Variants in CTBP2 observed in about 807,000 individuals in gnomAD.
The protein encoded by CTBP2 is C-terminal binding protein 2.
Under a neutral mutation model 80.3 loss-of-function variants are expected in CTBP2, and 30 were observed. The observed-to-expected ratio is 0.37, with a 90% CI of 0.28 to 0.51. The LOEUF (loss-of-function observed/expected upper bound fraction) is 0.51. Ranked by LOEUF, CTBP2 falls within the 20% of genes least tolerant of loss-of-function variation. CTBP2 has a pLI of 0.93. For synonymous variants in CTBP2, 594 were observed against 587.4 expected, an observed-to-expected ratio of 1.01 and a Z score of -0.16; for missense variants, 1,212 against 1,375.3, an observed-to-expected ratio of 0.88 and a Z score of 1.88.
Position 124,994,422 on chromosome 10 carries a change from C to T in CTBP2, c.2400+47G>A, listed in dbSNP as rs1432507080. 7 of 1,586,682 alleles carry T rather than the reference C, an allele frequency of 4.4e-6. No individual in the cohort carries two copies. In the South Asian group the frequency reaches 7.8e-5, roughly 18 times the overall value. ...TCCCTCTTGTGCCCACAAGCAAGTG[C>T]TACCACCTTTCGACAGAAGCTTCCA... On this transcript the variant is annotated intron_variant, in intron 5 of 8. Transcript: ENST00000309035.
chr10:125,049,208 G>T (rs1962109890), intron 2 of CTBP2, among the ~76,000 whole-genome samples: 1 of 152,176 alleles, frequency 6.6e-6, no homozygotes. Flanking sequence ...GAGAAGAATG[G>T]GAGGGGCTGG....
chr10:125,017,100 C>CG (rs554370936), intron 1 of CTBP2, among the ~76,000 whole-genome samples: 27 of 152,286 alleles, frequency 1.8e-4, no homozygotes, highest in Admixed American at 5.2e-4. Context: ...GTAGGAACCC[C>CG]GGGGGAAGTC....
intron 2 of CTBP2, among the ~76,000 whole-genome samples, chr10:125,044,871 C>T (rs1490929038): frequency 6.6e-6 from 1 of 152,176 alleles, no homozygotes; most frequent in Non-Finnish European, 1.5e-5. Flanking sequence ...TAAATGGCAA[C>T]CGCAACACCA....
chr10:125,007,787 C>G (rs1275866815), intron 1 of CTBP2, among the ~76,000 whole-genome samples: 1 of 152,194 alleles, frequency 6.6e-6, no homozygotes, highest in East Asian at 1.9e-4. Flanking sequence ...ATCCTTCCAA[C>G]AGAAATTCTC....
upstream of CTBP2, among the ~76,000 whole-genome samples, chr10:125,030,873 G>C (rs1201405623): frequency 6.6e-6 from 1 of 152,170 alleles, no homozygotes; most frequent in Non-Finnish European, 1.5e-5. Flanking sequence ...ACCTGCCTGG[G>C]CTTCCATTCC....
rs150627044 is a variant in CTBP2, at chr10:125,002,313, G to A, written c.1978+647C>T. On this transcript the variant is annotated intron_variant, in intron 3 of 8. Coordinates refer to ENST00000309035, the MANE Select transcript of CTBP2 (RefSeq NM_022802.3). ...CAGCACTCACGAGCTCACACGGGGT[G>A]CTGGGCAGAGGCCCCCCTCAACATG... is the stretch of plus-strand genomic sequence containing the variant. 2.1e-3 allele frequency among the ~76,000 whole-genome samples: 325 copies of A among 152,332 alleles called. 2 individuals are homozygous for A. In the Middle Eastern group the frequency reaches 0.027, roughly 13 times the overall value.
Position 125,010,219 on chromosome 10 carries a change from T to TTAAAA in CTBP2, c.1679-6728_1679-6727insTTTTA, listed in dbSNP as rs552007928. Among the ~76,000 whole-genome samples, 4 of 105,996 alleles carry TTAAAA rather than the reference T, an allele frequency of 3.8e-5. 1 individual carries two copies. The highest frequency in any genetic ancestry group is 1.1e-4 in the African/African-American group (3 of 27,222). The allele number at this position is 105,996 out of a possible 152,430, so 69.5% of individuals were successfully genotyped here. ...GCTAAGAGTGGCACTATTTTAAGGT[T>TTAAAA]AAAAAAAAAAAAAAAAAAAAAAAGC... On this transcript the variant is annotated intron_variant, in intron 1 of 8. Coordinates refer to ENST00000309035, the MANE Select transcript of CTBP2 (RefSeq NM_022802.3).
chr10:124,995,050 T>C (rs1391661452), intron 4 of CTBP2, among the ~76,000 whole-genome samples: 3 of 152,212 alleles, frequency 2.0e-5, no homozygotes, highest in Non-Finnish European at 2.9e-5. Flanking sequence ...TCCCCACTTC[T>C]TGTGTGCACT....
chr10:125,081,173 G>A (rs760699375), intron 2 of CTBP2, among the ~76,000 whole-genome samples: 11 of 152,080 alleles, frequency 7.2e-5, no homozygotes, highest in Non-Finnish European at 1.5e-4. Context: ...CTGAACTGAG[G>A]GCCATTCTAC....
At chr10:125,131,109 G>A (rs1407949514) in intron 1 of CTBP2, among the ~76,000 whole-genome samples, 1 of 152,204 alleles carries the variant, frequency 6.6e-6, no homozygotes, top group Admixed American at 6.5e-5. Context: ...GGCTGGGGAG[G>A]AGGAGTCTTC....
chr10:124,993,354 G>T (rs369146420), intron 6 of CTBP2, 25 bp from the exon 9 acceptor site: 89 of 1,601,250 alleles, frequency 5.6e-5, no homozygotes, highest in Non-Finnish European at 7.2e-5. Flanking sequence ...AAAAAACAGA[G>T]TAAGCGGGAA....
intron 2 of CTBP2, among the ~76,000 whole-genome samples, chr10:125,039,709 A>C (rs1046317046): frequency 6.6e-6 from 1 of 152,220 alleles, no homozygotes; most frequent in Non-Finnish European, 1.5e-5. Flanking sequence ...GCGGGTGGGA[A>C]GCCCCAGCAG....
intron 1 of CTBP2, chr10:125,123,005 A>G (rs1854590307): frequency 6.6e-6 from 1 of 152,244 alleles, no homozygotes; most frequent in African/African-American, 2.4e-5. Flanking sequence ...GGTTCCATTT[A>G]TATAACATTC....
chr10:125,081,153 A>G (rs914860992), intron 2 of CTBP2, among the ~76,000 whole-genome samples: 11 of 152,196 alleles, frequency 7.2e-5, no homozygotes, highest in African/African-American at 2.7e-4. Flanking sequence ...AGGAAAAAAC[A>G]CAGGACAAAC....
At chr10:125,089,498 C>A (rs1848467071) in intron 2 of CTBP2, among the ~76,000 whole-genome samples, 1 of 152,134 alleles carries the variant, frequency 6.6e-6, no homozygotes, top group Non-Finnish European at 1.5e-5. Context: ...CAACCTAGAG[C>A]CTCCAAGAAC....
rs79501553 is a variant in CTBP2, at chr10:125,081,672, GA to G, written c.-102+29317del. 2.6e-3 allele frequency among the ~76,000 whole-genome samples: 383 copies of G among 146,778 alleles called. 2 individuals carry two copies. The highest frequency in any genetic ancestry group is 8.4e-3 in the African/African-American group (336 of 40,090). ...TTATGTCAAAAGAAAAAGTTAAAGG[GA>G]AAAAAAAAATAGACATGAATGGCCA... On this transcript the variant is annotated intron_variant, in intron 2 of 10. Transcript: ENST00000337195.
chr10:125,092,503 T>C (rs1048169012), intron 2 of CTBP2, among the ~76,000 whole-genome samples: 2 of 152,190 alleles, frequency 1.3e-5, no homozygotes, highest in African/African-American at 4.8e-5. Context: ...AAGATTCTAA[T>C]GGATTACTTC....
At chr10:124,999,088 AG>A (rs1954066752) in intron 3 of CTBP2, 1 of 152,294 alleles carries the variant, frequency 6.6e-6, no homozygotes, top group South Asian at 2.1e-4. Flanking sequence ...TACACCCGAC[AG>A]GTGGAGATCC....
chr10:125,134,900 CCCCCGG>C (rs572519070), intron 1 of CTBP2, among the ~76,000 whole-genome samples: 5,630 of 150,986 alleles, frequency 0.037, 364 homozygotes, highest in African/African-American at 0.13. Flanking sequence ...CTGCCCCCTG[CCCCCGG>C]TATACTCAAC....
Sources: gnomAD v4.1 joint callset for allele counts (sites outside exome capture counted in the v4.1 genomes callset) on GRCh38, gnomAD v4.1.1 for gene constraint, MANE v1.5 for transcripts, NCBI Gene and HGNC (gene_info 2026-07-23, HGNC 2026-07-21) for gene names.